CMKLR2: variants seen among roughly 807,000 people sequenced by gnomAD.
CMKLR2 encodes chemerin-like receptor 2.
CMKLR2 carries 18 observed loss-of-function variants against 23.0 expected under a neutral mutation model. The ratio of observed to expected loss-of-function variants is 0.78; its 90% CI spans 0.54 to 1.16. The LOEUF (loss-of-function observed/expected upper bound fraction) is 1.16, where lower values mean the gene tolerates loss of function less well. Ranked by LOEUF, CMKLR2 falls within the 50% of genes most tolerant of loss-of-function variation. The pLI is 0.00. For synonymous variants in CMKLR2, 158 were observed against 158.9 expected, an observed-to-expected ratio of 0.99 and a Z score of 0.05; for missense variants, 401 against 412.7, an observed-to-expected ratio of 0.97 and a Z score of 0.25.
chr2:206,199,794 T>C (rs1386306090), intron 1 of CMKLR2, among the ~76,000 whole-genome samples: 3 of 151,760 alleles, frequency 2.0e-5, no homozygotes, highest in Non-Finnish European at 4.4e-5. Context: ...TGGGGTTTTG[T>C]CATGTTGGCC....
chr2:206,179,695 A>G (rs1688351581), intron 1 of CMKLR2, among the ~76,000 whole-genome samples: 1 of 152,144 alleles, frequency 6.6e-6, no homozygotes, highest in African/African-American at 2.4e-5. Flanking sequence ...CAGTTTTTCA[A>G]TCAGCACAAA....
intron 1 of CMKLR2, among the ~76,000 whole-genome samples, chr2:206,203,051 TCA>T (rs1360343517): frequency 6.6e-6 from 1 of 151,074 alleles, no homozygotes; most frequent in African/African-American, 2.4e-5. Context: ...GCACGGTGGC[TCA>T]CACCTGTAAT....
At chr2:206,197,099 G>A (rs892608776) in intron 1 of CMKLR2, among the ~76,000 whole-genome samples, 1 of 152,030 alleles carries the variant, frequency 6.6e-6, no homozygotes, top group Non-Finnish European at 1.5e-5. Context: ...TAGTAGAGAC[G>A]GGGTTTCACC....
In CMKLR2 at chr2:206,177,070, T is replaced by C. The variant is rs757034566; in HGVS notation, c.178A>G (p.Ile60Val). The C allele has an allele frequency of 7.4e-6, 12 of 1,614,166 alleles. No individual in the cohort carries two copies. In the South Asian group the frequency reaches 9.9e-5, roughly 13 times the overall value. ...VLGIPGNAIV[I>V]WFTGFKWKKT... ...TTCCACTTGAACCCCGTGAACCAAA[T>C]GACGATGGCATTTCCTGGAATTCCC... Residue 60 changes from isoleucine (I) to valine (V), a missense_variant, in exon 2 of 2, where the codon ATT (isoleucine) becomes GTT (valine). Physicochemically the swap from Ile to Val is conservative, Grantham distance 29 (BLOSUM62 3). Coordinates refer to ENST00000621141, the MANE Select transcript of CMKLR2 (RefSeq NM_001389445.1).
intron 1 of CMKLR2, 93 bp from the exon 2 acceptor site, chr2:206,177,368 G>A (rs1212373846): frequency 1.6e-6 from 1 of 644,264 alleles, no homozygotes. Context: ...AAATATTTCA[G>A]GTTATGGACC....
chr2:206,187,764 C>G (rs190298985), intron 1 of CMKLR2, among the ~76,000 whole-genome samples: 1 of 151,986 alleles, frequency 6.6e-6, no homozygotes, highest in African/African-American at 2.4e-5. Context: ...TGCATATATA[C>G]AAGTAGTTTT....
At chr2:206,183,094 T>A (rs764307068) in intron 1 of CMKLR2, among the ~76,000 whole-genome samples, 6 of 152,186 alleles carry the variant, frequency 3.9e-5, no homozygotes, top group Admixed American at 6.5e-5. Context: ...CTCCCCAGTG[T>A]CAGATCCTTC....
chr2:206,209,109 G>A (rs2105840964), intron 1 of CMKLR2, among the ~76,000 whole-genome samples: 1 of 152,256 alleles, frequency 6.6e-6, no homozygotes, highest in Non-Finnish European at 1.5e-5. Flanking sequence ...AGGCTGACGT[G>A]GTTGGATAAC....
At chr2:206,202,052 A>T (rs1024946418) in intron 1 of CMKLR2, among the ~76,000 whole-genome samples, 3 of 152,220 alleles carry the variant, frequency 2.0e-5, no homozygotes, top group African/African-American at 7.2e-5. Flanking sequence ...TTTAAAAACT[A>T]AATTAAATGA....
chr2:206,212,311 G>A (rs1294220523), intron 1 of CMKLR2, among the ~76,000 whole-genome samples: 1 of 151,040 alleles, frequency 6.6e-6, no homozygotes, highest in Non-Finnish European at 1.5e-5. Flanking sequence ...TCTAGTGTCT[G>A]GAAGATGTAC....
Position 206,187,941 on chromosome 2 carries a change from A to C in CMKLR2, c.-28-10666T>G, listed in dbSNP as rs115931793. Among the ~76,000 whole-genome samples the C allele has an allele frequency of 3.6e-3, 553 of 152,234 alleles. 5 individuals carry two copies. Among genetic ancestry groups the C allele is most frequent in the African/African-American group, 0.013 (525 of 41,544 alleles). ...GAGACAGAGTCTCTTTCTGTCATTC[A>C]GGCTGGAGTGGAGTGGCGCAATCTT... On this transcript the variant is annotated intron_variant, in intron 1 of 1. Coordinates refer to ENST00000621141, the MANE Select transcript of CMKLR2 (RefSeq NM_001389445.1).
intron 1 of CMKLR2, among the ~76,000 whole-genome samples, chr2:206,202,090 TC>T (rs1260172452): frequency 6.6e-6 from 1 of 152,202 alleles, no homozygotes; most frequent in Non-Finnish European, 1.5e-5. Context: ...TACTATGTAT[TC>T]TAGGCCCTGG....
At chr2:206,180,312 G>A (rs1688369265) in intron 1 of CMKLR2, among the ~76,000 whole-genome samples, 1 of 150,136 alleles carries the variant, frequency 6.7e-6, no homozygotes, top group African/African-American at 2.4e-5. Flanking sequence ...ACAACAAAGT[G>A]AGAAACTGTC....
chr2:206,189,487 T>C (rs968828251), intron 1 of CMKLR2, among the ~76,000 whole-genome samples: 2 of 151,682 alleles, frequency 1.3e-5, no homozygotes, highest in African/African-American at 4.8e-5. Flanking sequence ...ATAGAAAAAT[T>C]AGGTGGGTGT....
chr2:206,202,903 G>A (rs1489031122), intron 1 of CMKLR2, among the ~76,000 whole-genome samples: 1 of 151,798 alleles, frequency 6.6e-6, no homozygotes, highest in East Asian at 1.9e-4. Flanking sequence ...TTCCTATTGC[G>A]GACACCTCCC....
rs60661952 is a variant in CMKLR2 at position 206,175,828 on chromosome 2, T to C, written c.*352A>G. ...ATATTTAATATTAAGACTTAAGGCT[T>C]TAGAAAAGTTATTATTCAAAAAATA... On this transcript the variant is annotated 3_prime_UTR_variant, in exon 2 of 2. Transcript: ENST00000621141. The C allele has an allele frequency of 0.026, 4,305 of 166,872 alleles. 158 individuals carry two copies. The highest frequency in any genetic ancestry group is 0.17 in the East Asian group (1,049 of 6,024). 10.3% of individuals were successfully genotyped at this position (166,872 alleles called of 1,614,324 possible).
Position 206,207,262 on chromosome 2 carries a change from T to C in CMKLR2, c.-29+6045A>G, listed in dbSNP as rs536822920. Among the ~76,000 whole-genome samples, 4 of 151,412 alleles carry C rather than the reference T, an allele frequency of 2.6e-5. No homozygotes were observed. The Admixed American group carries it at 2.6e-4, about 10-fold the overall frequency. On this transcript the variant is annotated intron_variant, in intron 1 of 1. Coordinates refer to ENST00000621141, the MANE Select transcript of CMKLR2 (RefSeq NM_001389445.1). ...TTCAAGTGATTCTCCTGCCTCAGCC[T>C]CTGGAGTAGCTGGGACAACAAGCAT...
intron 1 of CMKLR2, among the ~76,000 whole-genome samples, chr2:206,202,596 G>T (rs538392709): frequency 6.6e-6 from 1 of 152,232 alleles, no homozygotes; most frequent in South Asian, 2.1e-4. Context: ...GAGTAGCTGG[G>T]GCTGCAGGCG....
chr2:206,199,923 A>G (rs1280254166), intron 1 of CMKLR2, among the ~76,000 whole-genome samples: 3 of 152,202 alleles, frequency 2.0e-5, no homozygotes, highest in Admixed American at 6.5e-5. Context: ...AACCAGTGGT[A>G]GAAATGAGAG....
Sources: gnomAD v4.1 joint callset for allele counts (sites outside exome capture counted in the v4.1 genomes callset) on GRCh38, gnomAD v4.1.1 for gene constraint, MANE v1.5 for transcripts, NCBI Gene and HGNC (gene_info 2026-07-23, HGNC 2026-07-21) for gene names.